Variants in KDM4C observed in about 807,000 individuals in gnomAD.
The protein encoded by KDM4C is lysine-specific demethylase 4C.
KDM4C carries 81 observed loss-of-function variants against 129.3 expected under a neutral mutation model. The observed-to-expected ratio is 0.63, with a 90% CI of 0.52 to 0.75. The LOEUF is 0.75. Ranked by LOEUF, KDM4C falls within the 30% of genes least tolerant of loss-of-function variation. The probability of loss-of-function intolerance (pLI) is 0.00; values close to 1 mark genes in which losing one functional copy is unlikely to be tolerated. For synonymous variants in KDM4C, 573 were observed against 456.1 expected, an observed-to-expected ratio of 1.26 and a Z score of -3.26; for missense variants, 1,457 against 1,304.0, an observed-to-expected ratio of 1.12 and a Z score of -1.81.
At chr9:6,880,208 T>A (rs1283824666) in intron 6 of KDM4C, 147 bp downstream of exon 6, 20 of 448,946 alleles carry the variant, frequency 4.5e-5, no homozygotes, top group African/African-American at 3.6e-4. Context: ...CATGTTTTTT[T>A]AATTGAACAA....
At chr9:6,787,955 A>G (rs1330879217) in intron 1 of KDM4C, among the ~76,000 whole-genome samples, 1 of 152,050 alleles carries the variant, frequency 6.6e-6, no homozygotes, top group African/African-American at 2.4e-5. Context: ...CCCCAGTTTC[A>G]TTTCTCACCA....
At chr9:6,728,770 C>T (rs1161018696) in intron 1 of KDM4C, among the ~76,000 whole-genome samples, 1 of 151,722 alleles carries the variant, frequency 6.6e-6, no homozygotes, top group Non-Finnish European at 1.5e-5. Flanking sequence ...CGCCTGAACC[C>T]GGGAAGCAGA....
intron 12 of KDM4C, among the ~76,000 whole-genome samples, chr9:7,001,831 C>A (rs142722931): frequency 1.3e-5 from 2 of 151,628 alleles, no homozygotes; most frequent in African/African-American, 2.4e-5. Context: ...CATCTTTTGA[C>A]TTTGTATTGT....
rs890249608 is a variant in KDM4C, at chr9:6,985,804, C to T, written c.1355-540C>T. Among the ~76,000 whole-genome samples the T allele has an allele frequency of 3.3e-5, 5 of 152,188 alleles. No homozygotes were observed. In the East Asian group the frequency reaches 7.7e-4, roughly 23 times the overall value. On this transcript the variant is annotated intron_variant, in intron 10 of 21. Transcript: ENST00000381309. ...CTCTCAGGTTCAAGCGATTTTTTTG[C>T]CTCAGCCTCCTGAGTATCTGGGACT... is the stretch of plus-strand genomic sequence containing the variant.
At chr9:7,074,238 A>G (rs950915074) in intron 17 of KDM4C, among the ~76,000 whole-genome samples, 1 of 151,922 alleles carries the variant, frequency 6.6e-6, no homozygotes, top group Admixed American at 6.6e-5. Flanking sequence ...ATCTCAGCTC[A>G]CTGCAACCGC....
At position 6,721,098 on chromosome 9, in the gene KDM4C, A is replaced by G. The variant is rs1211491537; in HGVS notation, c.49+101A>G. 51 of 1,148,938 alleles carry G rather than the reference A, an allele frequency of 4.4e-5. No individual in the cohort carries two copies. In the East Asian group the frequency reaches 1.3e-3, roughly 29 times the overall value. The allele number at this position is 1,148,938 out of a possible 1,614,324, so 71.2% of individuals were successfully genotyped here. On this transcript the variant is annotated intron_variant, in intron 1 of 17. Transcript: ENST00000536108. ...ATTTCTTTATTTTTATTTTTTTAGA[A>G]TCAAGGTCTCTGTTGCCCAGGCTAG... is the stretch of plus-strand genomic sequence containing the variant.
chr9:7,011,426 A>T (rs899823155), intron 12 of KDM4C, among the ~76,000 whole-genome samples: 5 of 152,192 alleles, frequency 3.3e-5, no homozygotes, highest in African/African-American at 1.2e-4. Flanking sequence ...GAAGGAGGGA[A>T]CAGTGTAATT....
intron 3 of KDM4C, among the ~76,000 whole-genome samples, chr9:6,807,811 G>T (rs538780293): frequency 7.5e-5 from 10 of 134,130 alleles, no homozygotes; most frequent in Admixed American, 1.5e-4. Flanking sequence ...TCAGCCCCCC[G>T]CCCGGCCAGC....
intron 19 of KDM4C, among the ~76,000 whole-genome samples, chr9:7,131,538 G>C (rs1316124791): frequency 6.6e-6 from 1 of 152,018 alleles, no homozygotes; most frequent in Non-Finnish European, 1.5e-5. Flanking sequence ...GGCTGGTCTT[G>C]AACTCCCGGG....
rs147201204 is a variant in KDM4C, at chr9:6,791,948, G to C, written c.-17-1024G>C. ...GAGGCAGGAGAATCACTGGAACCCG[G>C]GAGGTCGAGGCTGTGGTGTGCCGAG... On this transcript the variant is annotated intron_variant, in intron 1 of 21. Transcript: ENST00000381309. Among the ~76,000 whole-genome samples the C allele has an allele frequency of 8.4e-3, 1,273 of 152,308 alleles. 11 individuals are homozygous for C. Among genetic ancestry groups the C allele is most frequent in the Middle Eastern group, 0.017 (5 of 294 alleles).
At chr9:7,067,424 G>T (rs1299141736) in intron 17 of KDM4C, among the ~76,000 whole-genome samples, 6 of 152,236 alleles carry the variant, frequency 3.9e-5, no homozygotes, top group Non-Finnish European at 7.3e-5. Context: ...CAAGCAAGAT[G>T]TGTTTGTCCT....
chr9:7,033,461 A>C (rs1827123132), intron 15 of KDM4C, among the ~76,000 whole-genome samples: 1 of 152,162 alleles, frequency 6.6e-6, no homozygotes, highest in African/African-American at 2.4e-5. Context: ...TGCAGACTTA[A>C]ACCTTGGCCT....
chr9:6,777,305 A>C (rs1005836691), intron 1 of KDM4C, among the ~76,000 whole-genome samples: 1 of 152,224 alleles, frequency 6.6e-6, no homozygotes, highest in South Asian at 2.1e-4. Context: ...GCAAAACCTC[A>C]GTAACTGCTA....
chr9:6,724,174 C>T (rs1384441650), intron 1 of KDM4C, among the ~76,000 whole-genome samples: 2 of 152,210 alleles, frequency 1.3e-5, no homozygotes, highest in African/African-American at 4.8e-5. Flanking sequence ...TCATTTGGAA[C>T]AGTTCTAATG....
At chr9:7,007,900 T>G (rs1821975794) in intron 12 of KDM4C, among the ~76,000 whole-genome samples, 2 of 152,104 alleles carry the variant, frequency 1.3e-5, no homozygotes, top group African/African-American at 4.8e-5. Context: ...AAAAAATAAT[T>G]AGAAACATCA....
chr9:6,963,596 G>T (rs1830380896), intron 8 of KDM4C, among the ~76,000 whole-genome samples: 2 of 152,220 alleles, frequency 1.3e-5, no homozygotes. Context: ...TACAGAGAAA[G>T]ATTCAGGATG....
intron 19 of KDM4C, among the ~76,000 whole-genome samples, chr9:7,164,572 G>A (rs74384454): frequency 0.027 from 4,047 of 152,180 alleles, 188 homozygotes; most frequent in African/African-American, 0.091. Flanking sequence ...TAGAAGGGCC[G>A]TGCTAAACAG....
chr9:7,173,811 G>T (rs1845192900), intron 21 of KDM4C, among the ~76,000 whole-genome samples: 2 of 152,212 alleles, frequency 1.3e-5, no homozygotes, highest in Admixed American at 1.3e-4. Context: ...TCTGAGACAG[G>T]GACTTTGTGA....
At position 7,027,072 on chromosome 9, in the gene KDM4C, T is replaced by C. The variant is rs1825934885; in HGVS notation, c.2259+11143T>C. 2.0e-5 allele frequency among the ~76,000 whole-genome samples: 3 copies of C among 152,190 alleles called. No individual in the cohort carries two copies. The South Asian group carries it at 6.2e-4, about 32-fold the overall frequency. On this transcript the variant is annotated intron_variant, in intron 15 of 21. Coordinates refer to ENST00000381309, the MANE Select transcript of KDM4C (RefSeq NM_015061.6). ...TTGAGAGGTCACATATCTGTGTTTC[T>C]CCAGGACTGGCCCCTGGTGCCTTAT... is the stretch of plus-strand genomic sequence containing the variant.
Sources: gnomAD v4.1 joint callset for allele counts (sites outside exome capture counted in the v4.1 genomes callset) on GRCh38, gnomAD v4.1.1 for gene constraint, MANE v1.5 for transcripts, NCBI Gene and HGNC (gene_info 2026-07-23, HGNC 2026-07-21) for gene names.